Variants in PPIP5K1 observed in about 807,000 individuals in gnomAD.
PPIP5K1 encodes the protein inositol hexakisphosphate and diphosphoinositol-pentakisphosphate kinase 1.
In PPIP5K1, 6 loss-of-function variants were observed where a neutral mutation model predicts 27.7. That is an observed-to-expected ratio of 0.22 (90% CI 0.12 to 0.43). The LOEUF is 0.43. PPIP5K1 is among the 20% of genes least tolerant of loss of function. The pLI is 1.00. For synonymous variants in PPIP5K1, 145 were observed against 242.6 expected (o/e 0.60, Z 3.74); for missense variants, 394 against 635.4 (o/e 0.62, Z 4.08).
rs773961547 is a variant in PPIP5K1 at position 43,535,041 on chromosome 15, T to A, written c.4106A>T (p.Lys1369Met). 2 of 1,613,842 alleles carry A rather than the reference T, an allele frequency of 1.2e-6. No individual in the cohort carries two copies. The highest frequency in any genetic ancestry group is 2.2e-5 in the South Asian group (2 of 91,058). Residue 1369 changes from lysine (K) to methionine (M), a missense_variant, in exon 32 of 32, where the codon AAG becomes ATG. By Grantham distance (95) the Lys-to-Met change is moderately conservative. Coordinates refer to ENST00000420765, the MANE Select transcript of PPIP5K1 (RefSeq NM_001394395.1). The part of the protein sequence containing the change: ...EVPHISQPCQ[K>M]SSQLCQKVSE... ...GACTTTCTGGCACAGTTGGCTGGAC[T>A]TCTGGCATGGCTGGCTGATGTGAGG...
intron 30 of PPIP5K1, among the ~76,000 whole-genome samples, chr15:43,557,851 G>A (rs1234126907): frequency 8.2e-6 from 1 of 121,826 alleles, no homozygotes. Flanking sequence ...TTTTTTTTCT[G>A]GAGAGATGGG....
intron 30 of PPIP5K1, among the ~76,000 whole-genome samples, chr15:43,552,511 G>A (rs1270970963): frequency 1.1e-4 from 15 of 141,174 alleles, no homozygotes; most frequent in African/African-American, 4.2e-4. Context: ...GGGCAACATG[G>A]TGAAACTCTG....
intron 31 of PPIP5K1, among the ~76,000 whole-genome samples, 153 bp downstream of exon 31, chr15:43,539,317 A>C (rs980540791): frequency 6.6e-6 from 1 of 152,218 alleles, no homozygotes; most frequent in East Asian, 1.9e-4. Flanking sequence ...TTCTCCTTTC[A>C]TCTTAGAAAT....
intron 30 of PPIP5K1, among the ~76,000 whole-genome samples, chr15:43,554,618 C>A (rs1487678044): frequency 8.4e-6 from 1 of 119,248 alleles, no homozygotes; most frequent in East Asian, 2.5e-4. Flanking sequence ...AGACACCTGG[C>A]ATACACACAC....
chr15:43,538,712 C>T (rs2080248711), intron 31 of PPIP5K1, among the ~76,000 whole-genome samples: 1 of 151,912 alleles, frequency 6.6e-6, no homozygotes, highest in South Asian at 2.1e-4. Flanking sequence ...AGGGGTTTCA[C>T]CGTGTTAGCC....
chr15:43,550,852 C>G (rs1184887269), intron 30 of PPIP5K1, among the ~76,000 whole-genome samples: 3 of 152,178 alleles, frequency 2.0e-5, no homozygotes, highest in Non-Finnish European at 4.4e-5. Flanking sequence ...TCTGTGTCAA[C>G]TTAGATGACT....
Position 43,534,726 on chromosome 15 carries a change from A to T in PPIP5K1, c.4421T>A (p.Phe1474Tyr), listed in dbSNP as rs747534058. 7.8e-6 allele frequency: 12 copies of T among 1,536,646 alleles called. No homozygotes were observed. The highest frequency in any genetic ancestry group is 8.7e-6 in the Non-Finnish European group (10 of 1,145,294). ...IPEIDKPSQEFPEEIDLQAQE... is the reference protein window; with the variant it reads ...IPEIDKPSQEYPEEIDLQAQE... ...GGCCTGCAGATCAATCTCCTCAGGGAACTCTTGGGATGGTTTATCAATCTC... is the reference window on the plus strand; with the variant it reads ...GGCCTGCAGATCAATCTCCTCAGGGTACTCTTGGGATGGTTTATCAATCTC... The change falls in exon 32 of 32, where the codon TTC becomes TAC. Residue 1474 changes from phenylalanine to tyrosine, a missense_variant. Around this residue, in one of 4 missense-constraint regions of PPIP5K1, gnomAD observed 379 missense variants for 423.9 expected, o/e 0.89. Transcript: ENST00000420765.
At chr15:43,539,750 G>A (rs923026109) in intron 30 of PPIP5K1, among the ~76,000 whole-genome samples, 167 bp from the exon 31 acceptor site, 4 of 152,046 alleles carry the variant, frequency 2.6e-5, no homozygotes, top group African/African-American at 7.2e-5. Context: ...TTTTTTAAAC[G>A]TTATATTATG....
chr15:43,573,139 T>TC lies in PPIP5K1; in HGVS notation c.2459dup (p.Gly821ArgfsTer18). On this transcript the variant is annotated frameshift_variant, in exon 22 of 32. Transcript: ENST00000420765. LOFTEE classifies it high-confidence loss of function. Reference sequence around the variant, plus strand: ...CGTGGCGACCTGGGGAGAGCACGCCTCGGGAGTACCTGAGATAACAGCTAA... The same window carrying TC: ...CGTGGCGACCTGGGGAGAGCACGCCTCCGGGAGTACCTGAGATAACAGCTAA... The TC allele has an allele frequency of 9.4e-6, 1 of 106,212 alleles. No homozygotes were observed. The highest frequency in any genetic ancestry group is 1.6e-5 in the Non-Finnish European group (1 of 61,618). 6.6% of individuals were successfully genotyped at this position (106,212 alleles called of 1,614,324 possible).
chr15:43,552,644 T>C (rs765831474), intron 30 of PPIP5K1, among the ~76,000 whole-genome samples: 8 of 151,054 alleles, frequency 5.3e-5, no homozygotes, highest in Non-Finnish European at 1.2e-4. Flanking sequence ...GAGGTTGCAC[T>C]GAGCCATGAT....
chr15:43,535,424 A>T lies in PPIP5K1; in HGVS notation c.3723T>A (p.Thr1241=), dbSNP rs1347409912. The T allele has an allele frequency of 1.2e-6, 2 of 1,611,916 alleles. No homozygotes were observed. The highest frequency in any genetic ancestry group is 2.2e-5 in the East Asian group (1 of 44,884). The change falls in exon 32 of 32, where the codon ACT becomes ACA. Residue 1241 remains threonine, a synonymous_variant. Transcript: ENST00000420765. ...TVSSAGPSSP[T]TVDGNSQFGF... is the part of the protein sequence containing the mutation. The stretch of plus-strand genomic sequence containing the variant: ...CAAATTGGGAGTTACCATCTACTGT[A>T]GTAGGGGAAGAAGGACCAGCACTGG...
rs2140242553 is a variant in PPIP5K1, at chr15:43,534,190, CTT to C, written c.*482_*483del. ...AAAAGTGAAGACCCTAGAGTCCCCT[CTT>C]TTGCATTTGCTGTCGCCAGATGGTG... On this transcript the variant is annotated 3_prime_UTR_variant, in exon 32 of 32. Coordinates refer to ENST00000420765, the MANE Select transcript of PPIP5K1 (RefSeq NM_001394395.1). The C allele has an allele frequency of 6.5e-6, 1 of 154,068 alleles. No individual in the cohort carries two copies. Among genetic ancestry groups the C allele is most frequent in the South Asian group, 2.1e-4 (1 of 4,854 alleles). The allele number at this position is 154,068 out of a possible 1,614,324, so 9.5% of individuals were successfully genotyped here.
chr15:43,557,258 G>A (rs943548727), intron 30 of PPIP5K1, among the ~76,000 whole-genome samples: 3 of 152,016 alleles, frequency 2.0e-5, no homozygotes, highest in African/African-American at 7.2e-5. Context: ...ACCAGCCTGG[G>A]CAACATGGCA....
intron 30 of PPIP5K1, among the ~76,000 whole-genome samples, chr15:43,555,504 T>C (rs1372601837): frequency 6.6e-6 from 1 of 152,076 alleles, no homozygotes; most frequent in African/African-American, 2.4e-5. Flanking sequence ...CAGGCTGATC[T>C]TGAACTCTTG....
At chr15:43,565,535 A>G (rs1389517093) in intron 26 of PPIP5K1, among the ~76,000 whole-genome samples, 1 of 146,038 alleles carries the variant, frequency 6.8e-6, no homozygotes, top group African/African-American at 2.7e-5. Flanking sequence ...CCCAAGAATG[A>G]AAGTATGAGG....
intron 30 of PPIP5K1, among the ~76,000 whole-genome samples, chr15:43,552,430 G>A (rs1265720014): frequency 1.3e-5 from 2 of 151,164 alleles, no homozygotes; most frequent in South Asian, 2.1e-4. Flanking sequence ...TGTTGGCTGG[G>A]CGCAGTGGCT....
intron 30 of PPIP5K1, among the ~76,000 whole-genome samples, chr15:43,552,684 G>A (rs2082379489): frequency 6.6e-6 from 1 of 151,382 alleles, no homozygotes; most frequent in Non-Finnish European, 1.5e-5. Context: ...CTGGGTGACA[G>A]AGTGAGACCC....
chr15:43,551,953 T>C (rs1200698733), intron 30 of PPIP5K1, among the ~76,000 whole-genome samples: 1 of 150,480 alleles, frequency 6.6e-6, no homozygotes, highest in Non-Finnish European at 1.5e-5. Flanking sequence ...TGTCATAAAG[T>C]ATAAATTAGA....
intron 31 of PPIP5K1, chr15:43,537,366 AAAAAAAG>A (rs1224749869): frequency 1.3e-5 from 5 of 372,320 alleles, no homozygotes; most frequent in African/African-American, 9.0e-5. Context: ...AAAAAAAAAA[AAAAAAAG>A]AATCAAAGGA....
Sources: gnomAD v4.1 joint callset for allele counts (sites outside exome capture counted in the v4.1 genomes callset) on GRCh38, gnomAD v4.1.1 for gene constraint, gnomAD v4.1.1 regional missense constraint, MANE v1.5 for transcripts, NCBI Gene and HGNC (gene_info 2026-07-23, HGNC 2026-07-21) for gene names.